The following C12orf50 variants were observed in gnomAD, a reference collection of about 807,000 sequenced individuals.
C12orf50 encodes zinc finger CCCH-type containing 11D, also known as uncharacterized protein C12orf50.
A neutral mutation model predicts 61.6 loss-of-function variants in C12orf50; 35 were observed. That is an observed-to-expected ratio of 0.57 (90% CI 0.43 to 0.75). The LOEUF (loss-of-function observed/expected upper bound fraction) is 0.75, where lower values mean the gene tolerates loss of function less well. Ranked by LOEUF, C12orf50 falls within the 30% of genes least tolerant of loss-of-function variation. The pLI is 0.00. For synonymous variants in C12orf50, 178 were observed against 161.5 expected, an observed-to-expected ratio of 1.10 and a Z score of -0.77; for missense variants, 475 against 488.5, an observed-to-expected ratio of 0.97 and a Z score of 0.26.
intron 3 of C12orf50, among the ~76,000 whole-genome samples, chr12:88,023,446 A>G (rs1565762818): frequency 6.6e-6 from 1 of 151,760 alleles, no homozygotes; most frequent in Non-Finnish European, 1.5e-5. Flanking sequence ...TGGGTGGATC[A>G]CAAGGTCAGG....
intron 7 of C12orf50, among the ~76,000 whole-genome samples, chr12:87,990,527 C>T (rs77601076): frequency 0.023 from 3,472 of 152,016 alleles, 139 homozygotes; most frequent in African/African-American, 0.078. Flanking sequence ...TATAAAATAC[C>T]AAAACAAACT....
At chr12:87,985,758 TA>T in intron 11 of C12orf50, 91 bp downstream of exon 11, 1 of 1,233,726 alleles carries the variant, frequency 8.1e-7, no homozygotes, top group Non-Finnish European at 1.2e-6. Context: ...AAGAGGGGAG[TA>T]AGTAGTAGTG....
chr12:87,998,188 T>C lies in C12orf50; in HGVS notation c.136A>G (p.Ile46Val), dbSNP rs772813540. The C allele has an allele frequency of 1.9e-6, 3 of 1,610,224 alleles. No homozygotes were observed. Among genetic ancestry groups the C allele is most frequent in the African/African-American group, 1.3e-5 (1 of 74,820 alleles). ...NGLFLPPSSN[I>V]TLQKEIQEGI... ...TCCTGAATTTCTTTCTGTAGTGTGA[T>C]ATCTGCAGAGAAAATGCAACATTTC... is the stretch of plus-strand genomic sequence containing the variant. Residue 46 changes from isoleucine to valine, a missense_variant and splice_region_variant, in exon 4 of 13, where the codon ATC becomes GTC. Ile to Val is a conservative substitution (Grantham distance 29). Transcript: ENST00000298699.
At chr12:88,026,923 C>G (rs759837672) in intron 2 of C12orf50, 28 bp downstream of exon 2, 1 of 1,598,968 alleles carries the variant, frequency 6.3e-7, no homozygotes, top group South Asian at 1.1e-5. Flanking sequence ...TACTTTTTGA[C>G]AAAAATGATG....
intron 4 of C12orf50, among the ~76,000 whole-genome samples, chr12:87,997,527 A>T (rs1241069100): frequency 6.6e-6 from 1 of 152,098 alleles, no homozygotes. Flanking sequence ...CCCGTCATCT[A>T]CATTAGGTAT....
Position 87,986,043 on chromosome 12 carries a change from G to A in C12orf50, c.933C>T (p.Ala311=), listed in dbSNP as rs560982989. 1.6e-5 allele frequency: 26 copies of A among 1,613,560 alleles called. No homozygotes were observed. In the Admixed American group the frequency reaches 4.2e-4, roughly 26 times the overall value. The change falls in exon 11 of 13, where the codon GCC becomes GCT. Residue 311 remains alanine (A), a synonymous_variant. Coordinates refer to ENST00000298699, the MANE Select transcript of C12orf50 (RefSeq NM_152589.3). ...PNSGMQRAVQ[A]PRPQNKMSYH... ...AACTCATTTTATTTTGGGGTCTTGG[G>A]GCCTGTACTGCTGTAAAGAAAGGTG...
chr12:88,006,383 A>C (rs1227345679), intron 3 of C12orf50, among the ~76,000 whole-genome samples: 1 of 152,104 alleles, frequency 6.6e-6, no homozygotes, highest in Non-Finnish European at 1.5e-5. Flanking sequence ...TCCCCACACT[A>C]TGTTCTATTC....
intron 3 of C12orf50, among the ~76,000 whole-genome samples, chr12:88,003,593 G>A (rs1173400350): frequency 1.3e-5 from 2 of 152,000 alleles, no homozygotes; most frequent in Non-Finnish European, 2.9e-5. Context: ...TCTGGACAAA[G>A]ATTCTCGATT....
chr12:87,986,002 T>C lies in C12orf50; in HGVS notation c.974A>G (p.Lys325Arg). ...GGATGCATTCTCCGCATTTCGATTT[T>C]TATTATTGCGGTGATAACTCATTTT... ...QNKMSYHRNNKNRNAENASYI... is the reference protein window; with the variant it reads ...QNKMSYHRNNRNRNAENASYI... Residue 325 changes from lysine (K) to arginine (R), a missense_variant, in exon 11 of 13, where the codon AAA becomes AGA. By Grantham distance (26) the Lys-to-Arg change is conservative (BLOSUM62 2). Transcript: ENST00000298699. The C allele has an allele frequency of 6.8e-6, 11 of 1,613,914 alleles. No individual in the cohort carries two copies. Among genetic ancestry groups the C allele is most frequent in the Non-Finnish European group, 8.5e-6 (10 of 1,179,868 alleles).
At chr12:88,000,784 CTT>C (rs1019219014) in intron 3 of C12orf50, among the ~76,000 whole-genome samples, 2 of 151,540 alleles carry the variant, frequency 1.3e-5, no homozygotes, top group African/African-American at 4.8e-5. Context: ...ATTTTTTCCT[CTT>C]TGATGCTATT....
At position 87,986,406 on chromosome 12, in the gene C12orf50, G is replaced by C; in HGVS notation, c.828C>G (p.Val276=). Residue 276 remains valine (V), a synonymous_variant, in exon 10 of 13, where the codon GTC becomes GTG. Transcript: ENST00000298699. ...TAAAATGAGGCTTCTTCACTGGCTGGACATCATTCACTTAGAAAAGATACA... is the reference window on the plus strand; with the variant it reads ...TAAAATGAGGCTTCTTCACTGGCTGCACATCATTCACTTAGAAAAGATACA... The part of the protein sequence containing the change: ...CREDPSSMND[V]QPVKKPHFKG... 1 of 1,600,612 alleles carries C rather than the reference G, an allele frequency of 6.2e-7. No individual in the cohort carries two copies. Among genetic ancestry groups the C allele is most frequent in the Non-Finnish European group, 8.5e-7 (1 of 1,175,738 alleles).
In C12orf50 at chr12:88,025,622, C is replaced by A. The variant is rs1051806536; in HGVS notation, c.133+866G>T. ...GGTGTGGCGGTGCGTGCCTGTAGTC[C>A]CAGCTACTCAGGAGGCTGAGGCATG... is the stretch of plus-strand genomic sequence containing the variant. On this transcript the variant is annotated intron_variant, in intron 3 of 12. Transcript: ENST00000298699. Among the ~76,000 whole-genome samples, 2 of 152,084 alleles carry A rather than the reference C, an allele frequency of 1.3e-5. 1 individual carries two copies. The highest frequency in any genetic ancestry group is 4.1e-4 in the South Asian group (2 of 4,820).
chr12:88,020,151 G>T (rs537871904), intron 3 of C12orf50, among the ~76,000 whole-genome samples: 5 of 152,224 alleles, frequency 3.3e-5, no homozygotes, highest in East Asian at 1.9e-4. Flanking sequence ...ACACAAACCA[G>T]CTAACAACAT....
rs112823010 is a variant in C12orf50 at position 87,988,019 on chromosome 12, C to T, written c.701-53G>A. 2,698 of 1,194,086 alleles carry T rather than the reference C, an allele frequency of 2.3e-3. 7 individuals are homozygous for T. Among genetic ancestry groups the T allele is most frequent in the Non-Finnish European group, 3.0e-3 (2,482 of 821,764 alleles). The allele number at this position is 1,194,086 out of a possible 1,614,324, so 74.0% of individuals were successfully genotyped here. A position where few individuals can be genotyped will look rare whatever the true frequency, so the allele number is the denominator to read the frequency against. ...TGTCAATATTAGTTTTTAAAAAAAG[C>T]ATTTCAGTTGTTATTTCACTATTCA... On this transcript the variant is annotated intron_variant, in intron 8 of 12. Coordinates refer to ENST00000298699, the MANE Select transcript of C12orf50 (RefSeq NM_152589.3).
chr12:88,014,474 G>T (rs1209025175), intron 3 of C12orf50, among the ~76,000 whole-genome samples: 1 of 151,920 alleles, frequency 6.6e-6, no homozygotes, highest in Non-Finnish European at 1.5e-5. Context: ...GCTAATTTTT[G>T]TATTTTTAGT....
intron 4 of C12orf50, among the ~76,000 whole-genome samples, chr12:87,997,394 ATATC>A (rs1157538905): frequency 2.0e-5 from 3 of 150,802 alleles, no homozygotes; most frequent in Non-Finnish European, 4.4e-5. Flanking sequence ...AGATATATAA[ATATC>A]TATATATATA....
intron 11 of C12orf50, 163 bp from the exon 12 acceptor site, chr12:87,983,358 C>A: frequency 4.7e-6 from 2 of 427,348 alleles, no homozygotes; most frequent in Non-Finnish European, 8.3e-6. Flanking sequence ...TTATTAAGAC[C>A]ATTTAAGTTA....
At chr12:87,986,508 T>C in intron 9 of C12orf50, 92 bp from the exon 10 acceptor site, 2 of 846,952 alleles carry the variant, frequency 2.4e-6, no homozygotes, top group Non-Finnish European at 3.5e-6. Context: ...TGCATTCACA[T>C]GTCAAGCAAG....
chr12:88,003,509 C>A (rs1288088515), intron 3 of C12orf50, among the ~76,000 whole-genome samples: 1 of 151,806 alleles, frequency 6.6e-6, no homozygotes, highest in Non-Finnish European at 1.5e-5. Flanking sequence ...GCAACAAATT[C>A]TCTCAGTTTT....
Sources: gnomAD v4.1 joint callset for allele counts (sites outside exome capture counted in the v4.1 genomes callset) on GRCh38, gnomAD v4.1.1 for gene constraint, MANE v1.5 for transcripts, NCBI Gene and HGNC (gene_info 2026-07-23, HGNC 2026-07-21) for gene names.